Variants in LRTM1 observed in about 807,000 individuals in gnomAD.
The protein encoded by LRTM1 is leucine-rich repeat and transmembrane domain-containing protein 1.
Under a neutral mutation model 32.4 loss-of-function variants are expected in LRTM1, and 38 were observed. That is an observed-to-expected ratio of 1.17 (90% confidence interval 0.91 to 1.54). The LOEUF (loss-of-function observed/expected upper bound fraction) is 1.54, where lower values mean the gene tolerates loss of function less well. LRTM1 is among the 40% of genes most tolerant of loss of function. The probability of loss-of-function intolerance (pLI) is 0.00; values close to 1 mark genes in which losing one functional copy is unlikely to be tolerated. For synonymous variants in LRTM1, 186 were observed against 169.9 expected, an observed-to-expected ratio of 1.09 and a Z score of -0.74; for missense variants, 466 against 415.4, an observed-to-expected ratio of 1.12 and a Z score of -1.06.
Position 54,918,555 on chromosome 3 carries a change from C to G in LRTM1, c.942G>C (p.Ala314=). The change falls in exon 3 of 3, where the codon GCG becomes GCC. Residue 314 remains alanine, a synonymous_variant. Coordinates refer to ENST00000273286, the MANE Select transcript of LRTM1 (RefSeq NM_020678.4). ...CCCCATGGTACTGGGCTGTGATTGC[C>G]GCATAGGTGCAGCCATAGATGGCAG... ...LAAAIYGCTY[A]AITAQYHGGP... 3 of 1,613,994 alleles carry G rather than the reference C, an allele frequency of 1.9e-6. No homozygotes were observed. The highest frequency in any genetic ancestry group is 2.5e-6 in the Non-Finnish European group (3 of 1,179,974).
chr3:54,924,346 A>G (rs748946136), intron 2 of LRTM1, among the ~76,000 whole-genome samples: 6 of 152,200 alleles, frequency 3.9e-5, no homozygotes, highest in Non-Finnish European at 7.3e-5. Flanking sequence ...TCTTAATAGC[A>G]TACTCCCAGA....
upstream of LRTM1, among the ~76,000 whole-genome samples, chr3:54,929,052 G>A (rs1701112084): frequency 6.6e-6 from 1 of 152,186 alleles, no homozygotes; most frequent in African/African-American, 2.4e-5. Flanking sequence ...TATGGAAGCA[G>A]CATGAAGTGC....
At chr3:54,941,016 T>TAAGAC (rs150807556) in intron 1 of LRTM1, among the ~76,000 whole-genome samples, 3,464 of 152,298 alleles carry the variant, frequency 0.023, 129 homozygotes, top group African/African-American at 0.076. Flanking sequence ...TAAAACTTGA[T>TAAGAC]AAGGCAATCC....
At chr3:54,949,312 A>G (rs1388326428) in intron 1 of LRTM1, among the ~76,000 whole-genome samples, 4 of 152,178 alleles carry the variant, frequency 2.6e-5, no homozygotes, top group African/African-American at 4.8e-5. Flanking sequence ...CCCAAAGGAA[A>G]TGGTCTAGGT....
upstream of LRTM1, among the ~76,000 whole-genome samples, chr3:54,930,426 G>C (rs946577897): frequency 1.3e-5 from 2 of 152,224 alleles, no homozygotes; most frequent in African/African-American, 2.4e-5. Flanking sequence ...GGCTTAGACA[G>C]ACAGAGAATT....
upstream of LRTM1, among the ~76,000 whole-genome samples, chr3:54,930,341 A>G (rs1026935551): frequency 1.3e-5 from 2 of 152,200 alleles, no homozygotes; most frequent in African/African-American, 4.8e-5. Flanking sequence ...AGGCCTTCTT[A>G]TGTCCAGAAC....
chr3:54,930,905 T>G (rs1035707052), upstream of LRTM1, among the ~76,000 whole-genome samples: 1 of 152,178 alleles, frequency 6.6e-6, no homozygotes, highest in Admixed American at 6.5e-5. Context: ...GAGACCAGCC[T>G]GGCCAACAAG....
chr3:54,940,221 A>C (rs1028834231), intron 1 of LRTM1, among the ~76,000 whole-genome samples: 1 of 152,224 alleles, frequency 6.6e-6, no homozygotes, highest in Non-Finnish European at 1.5e-5. Context: ...CAGTTTTAAA[A>C]GTAGATGGGT....
At chr3:54,948,442 A>G (rs1297649657) in intron 1 of LRTM1, among the ~76,000 whole-genome samples, 3 of 152,200 alleles carry the variant, frequency 2.0e-5, no homozygotes, top group Non-Finnish European at 2.9e-5. Flanking sequence ...CATTGTCCAG[A>G]ACTTGGTTAC....
chr3:54,957,171 T>G (rs34973975), intron 1 of LRTM1, among the ~76,000 whole-genome samples: 55,638 of 151,824 alleles, frequency 0.37, 12,647 homozygotes, highest in East Asian at 0.55. Flanking sequence ...ATTTTCTTTT[T>G]TTTTTTTTTA....
chr3:54,932,407 A>G (rs1411223795), upstream of LRTM1, among the ~76,000 whole-genome samples: 1 of 152,172 alleles, frequency 6.6e-6, no homozygotes, highest in African/African-American at 2.4e-5. Flanking sequence ...CCAAACTGAT[A>G]ATGCTGATTA....
intron 1 of LRTM1, among the ~76,000 whole-genome samples, chr3:54,953,617 T>A (rs1460276078): frequency 6.6e-6 from 1 of 152,206 alleles, no homozygotes; most frequent in African/African-American, 2.4e-5. Flanking sequence ...TCCTTTCTAT[T>A]TTAAAGACTT....
chr3:54,935,733 A>G (rs574432351), intron 1 of LRTM1, among the ~76,000 whole-genome samples: 1 of 152,230 alleles, frequency 6.6e-6, no homozygotes, highest in Non-Finnish European at 1.5e-5. Flanking sequence ...ATTACAATGT[A>G]TGTTTCATAT....
At chr3:54,931,412 G>A (rs1291647781), upstream of LRTM1, among the ~76,000 whole-genome samples, 1 of 152,210 alleles carries the variant, frequency 6.6e-6, no homozygotes, top group Non-Finnish European at 1.5e-5. Context: ...AACAAAGGGA[G>A]GGTGTGTGAT....
chr3:54,933,630 C>A (rs1701260559), intron 1 of LRTM1, among the ~76,000 whole-genome samples: 1 of 152,170 alleles, frequency 6.6e-6, no homozygotes, highest in Non-Finnish European at 1.5e-5. Flanking sequence ...ATTGCATTAT[C>A]TCACTTTAAA....
chr3:54,937,590 A>G (rs1255970238), intron 1 of LRTM1, among the ~76,000 whole-genome samples: 2 of 152,188 alleles, frequency 1.3e-5, no homozygotes, highest in East Asian at 1.9e-4. Flanking sequence ...TTAAAAGTGC[A>G]AGGAAAAAGA....
In LRTM1 at chr3:54,918,332, C is replaced by CTTTTTTTTTTTTTTTTT. The variant is rs533596688; in HGVS notation, c.*110_*126dup. ...TTTTACAGACACATCTTTTTTTTTT[C>CTTTTTTTTTTTTTTTTT]TTTTTTTTTTTTTTTTTTTTTTTGT... On this transcript the variant is annotated 3_prime_UTR_variant, in exon 3 of 3. Coordinates refer to ENST00000273286, the MANE Select transcript of LRTM1 (RefSeq NM_020678.4). 5.9e-4 allele frequency: 134 copies of CTTTTTTTTTTTTTTTTT among 228,026 alleles called. 13 individuals are homozygous for CTTTTTTTTTTTTTTTTT. The highest frequency in any genetic ancestry group is 8.0e-4 in the Non-Finnish European group (101 of 126,156). 14.1% of individuals were successfully genotyped at this position (228,026 alleles called of 1,614,324 possible). A position where few individuals can be genotyped will look rare whatever the true frequency, so the allele number is the denominator to read the frequency against.
At chr3:54,951,463 C>T (rs1352014096) in intron 1 of LRTM1, among the ~76,000 whole-genome samples, 1 of 152,104 alleles carries the variant, frequency 6.6e-6, no homozygotes, top group Non-Finnish European at 1.5e-5. Context: ...GTGTGCGGCC[C>T]GGGGGCAGTG....
chr3:54,954,809 A>G (rs9858153), intron 1 of LRTM1, among the ~76,000 whole-genome samples: 5,229 of 152,316 alleles, frequency 0.034, 288 homozygotes, highest in African/African-American at 0.12. Context: ...CTGAGGGAAC[A>G]GAGAAGAGCC....
Sources: allele counts gnomAD v4.1 joint callset (sites outside exome capture counted in the v4.1 genomes callset), GRCh38; gene constraint gnomAD v4.1.1; transcripts MANE v1.5; gene names NCBI Gene and HGNC (gene_info 2026-07-23, HGNC 2026-07-21).